The following GRIA3 variants were observed in gnomAD, a reference collection of about 807,000 sequenced individuals.
GRIA3 encodes glutamate ionotropic receptor AMPA type subunit 3, also known as glutamate receptor 3.
In GRIA3, 3 loss-of-function variants were observed where a neutral mutation model predicts 63.0. That is an observed-to-expected ratio of 0.05 (90% CI 0.02 to 0.12). The LOEUF (loss-of-function observed/expected upper bound fraction) is 0.12. GRIA3 is among the 10% of genes least tolerant of loss of function. The probability of loss-of-function intolerance (pLI) is 1.00; values close to 1 mark genes in which losing one functional copy is unlikely to be tolerated. For synonymous variants in GRIA3, 274 were observed against 257.9 expected (o/e 1.06, Z -0.60); for missense variants, 347 against 700.9 (o/e 0.50, Z 5.70).
intron 3 of GRIA3, among the ~76,000 whole-genome samples, chrX:123,298,660 A>G (rs771221151): frequency 4.8e-4 from 53 of 110,887 alleles, no homozygotes; most frequent in South Asian, 1.1e-3. Context: ...GTTTGCAAAA[A>G]TTTTTTCCCA....
At chrX:123,450,344 A>G (rs2045723882) in intron 12 of GRIA3, among the ~76,000 whole-genome samples, 1 of 112,543 alleles carries the variant, frequency 8.9e-6, no homozygotes, top group Admixed American at 9.4e-5. Flanking sequence ...AGGTCAAAGA[A>G]GTAAACTTCA....
At chrX:123,465,150 G>A (rs772768476) in intron 13 of GRIA3, 38 bp downstream of exon 13, 1 of 1,152,284 alleles carries the variant, frequency 8.7e-7, no homozygotes, top group East Asian at 3.0e-5. Flanking sequence ...TGTTGTTATA[G>A]TATTCCACCT....
Position 123,185,884 on chromosome X carries a change from C to G in GRIA3, c.162C>G (p.Ala54=). 1 of 1,206,513 alleles carries G rather than the reference C, an allele frequency of 8.3e-7. No individual in the cohort carries two copies. The highest frequency in any genetic ancestry group is 1.7e-5 in the African/African-American group (1 of 57,533). The change falls in exon 2 of 16, where the codon GCC becomes GCG. Residue 54 remains alanine (A), a synonymous_variant. Coordinates refer to ENST00000620443, the MANE Select transcript of GRIA3 (RefSeq NM_007325.5). The part of the protein sequence containing the change: ...TVQEHSAFRF[A]VQLYNTNQNT... Reference sequence around the variant, plus strand: ...AGGAGCACAGCGCTTTCCGCTTTGCCGTGCAGTTATACAACACCAACCAGA... The same window carrying G: ...AGGAGCACAGCGCTTTCCGCTTTGCGGTGCAGTTATACAACACCAACCAGA...
chrX:123,379,871 C>A (rs1346866370), intron 5 of GRIA3, among the ~76,000 whole-genome samples: 4 of 100,881 alleles, frequency 4.0e-5, no homozygotes, highest in Non-Finnish European at 6.0e-5. Context: ...TCAATTCCCA[C>A]CTATGAGTGA....
intron 3 of GRIA3, among the ~76,000 whole-genome samples, chrX:123,320,132 G>C (rs1431753363): frequency 1.8e-5 from 2 of 111,400 alleles, no homozygotes; most frequent in African/African-American, 6.5e-5. Context: ...GAGTAACATA[G>C]ACAGGAATGG....
At chrX:123,440,980 C>T (rs2045670954) in intron 12 of GRIA3, among the ~76,000 whole-genome samples, 1 of 111,589 alleles carries the variant, frequency 9.0e-6, no homozygotes, top group Non-Finnish European at 1.9e-5. Flanking sequence ...TTCCAACCCA[C>T]TGGGTAAAGA....
At position 123,339,649 on chromosome X, in the gene GRIA3, C is replaced by T. The variant is rs564712596; in HGVS notation, c.696+13436C>T. On this transcript the variant is annotated intron_variant, in intron 4 of 15. Coordinates refer to ENST00000620443, the MANE Select transcript of GRIA3 (RefSeq NM_007325.5). Reference sequence around the variant, plus strand: ...CTCAGGATTGGTTGAACTAAGTTTCCAAGGACCCATTGAAGATCATCTGGT... The same window carrying T: ...CTCAGGATTGGTTGAACTAAGTTTCTAAGGACCCATTGAAGATCATCTGGT... 9.6e-4 allele frequency among the ~76,000 whole-genome samples: 108 copies of T among 111,947 alleles called. 2 individuals are homozygous for T. The South Asian group carries it at 0.039, about 40-fold the overall frequency.
At chrX:123,265,924 A>T (rs1175732630) in intron 3 of GRIA3, among the ~76,000 whole-genome samples, 4 of 111,604 alleles carry the variant, frequency 3.6e-5, no homozygotes, top group Admixed American at 9.4e-5. Flanking sequence ...CCTTCCTGGT[A>T]GATCTCCAAG....
intron 9 of GRIA3, among the ~76,000 whole-genome samples, chrX:123,403,976 ACCC>A (rs1308785273): frequency 1.8e-5 from 2 of 111,690 alleles, no homozygotes; most frequent in East Asian, 5.6e-4. Flanking sequence ...ATAATCACCT[ACCC>A]ATGTCATAAG....
At chrX:123,220,825 C>T (rs1318884484) in intron 2 of GRIA3, among the ~76,000 whole-genome samples, 1 of 111,688 alleles carries the variant, frequency 9.0e-6, no homozygotes, top group African/African-American at 3.3e-5. Flanking sequence ...ACTATTCGAA[C>T]ATTCCAGTAC....
At position 123,396,233 on chromosome X, in the gene GRIA3, A is replaced by AATAATG. The variant is rs1354946998; in HGVS notation, c.912+1106_912+1107insAATGAT. Among the ~76,000 whole-genome samples the AATAATG allele has an allele frequency of 2.3e-3, 246 of 105,583 alleles. 1 individual carries two copies. The highest frequency in any genetic ancestry group is 7.7e-3 in the African/African-American group (223 of 29,042). 91.7% of individuals were successfully genotyped at this position (105,583 alleles called of 115,157 possible). A position where few individuals can be genotyped will look rare whatever the true frequency, so the allele number is the denominator to read the frequency against. On this transcript the variant is annotated intron_variant, in intron 6 of 15. Coordinates refer to ENST00000620443, the MANE Select transcript of GRIA3 (RefSeq NM_007325.5). The stretch of plus-strand genomic sequence containing the variant: ...TAATAATAATAATAATAATAATAAT[A>AATAATG]ATGATGATAAGGGAGAACAGTAGGC...
At chrX:123,321,301 T>C (rs1274349220) in intron 3 of GRIA3, among the ~76,000 whole-genome samples, 2 of 111,535 alleles carry the variant, frequency 1.8e-5, no homozygotes, top group Non-Finnish European at 3.8e-5. Context: ...CAGGCACAAA[T>C]TGCTATAAAT....
chrX:123,194,897 G>A (rs1358260099), intron 2 of GRIA3, among the ~76,000 whole-genome samples: 1 of 112,536 alleles, frequency 8.9e-6, no homozygotes, highest in African/African-American at 3.2e-5. Flanking sequence ...GCATTAGAGA[G>A]TTTGGCTTTC....
At chrX:123,345,777 C>T (rs976771024) in intron 4 of GRIA3, among the ~76,000 whole-genome samples, 7 of 110,683 alleles carry the variant, frequency 6.3e-5, no homozygotes, top group Admixed American at 3.9e-4. Context: ...CGGCCCCCAT[C>T]CCACAGCAGC....
intron 12 of GRIA3, among the ~76,000 whole-genome samples, chrX:123,446,155 A>G (rs1292188241): frequency 8.9e-6 from 1 of 112,227 alleles, no homozygotes; most frequent in Non-Finnish European, 1.9e-5. Flanking sequence ...TGCTGGGCTA[A>G]ATATTCAGCA....
At chrX:123,407,525 T>C (rs1194256891) in intron 10 of GRIA3, among the ~76,000 whole-genome samples, 1 of 110,448 alleles carries the variant, frequency 9.1e-6, no homozygotes, top group Non-Finnish European at 1.9e-5. Context: ...TCTTCCTGTG[T>C]TCTCACATGA....
At chrX:123,186,795 G>A (rs1370417863) in intron 2 of GRIA3, among the ~76,000 whole-genome samples, 1 of 111,633 alleles carries the variant, frequency 9.0e-6, no homozygotes, top group Non-Finnish European at 1.9e-5. Flanking sequence ...GAGGCTTGGA[G>A]CAGGAAAACT....
chrX:123,377,858 C>G (rs2045296981), intron 5 of GRIA3, among the ~76,000 whole-genome samples: 1 of 111,770 alleles, frequency 8.9e-6, no homozygotes, highest in South Asian at 3.8e-4. Context: ...GCTTTACCAC[C>G]TTGACTACTG....
At chrX:123,234,683 C>T (rs995553401) in intron 2 of GRIA3, among the ~76,000 whole-genome samples, 2 of 111,566 alleles carry the variant, frequency 1.8e-5, no homozygotes, top group Non-Finnish European at 3.8e-5. Context: ...TCCACCTCAG[C>T]GGTTGGCCCA....
Sources: allele counts gnomAD v4.1 joint callset (sites outside exome capture counted in the v4.1 genomes callset), GRCh38; gene constraint gnomAD v4.1.1; transcripts MANE v1.5; gene names NCBI Gene and HGNC (gene_info 2026-07-23, HGNC 2026-07-21).